Variants in RRM2 observed in about 807,000 individuals in gnomAD.
RRM2 encodes ribonucleotide reductase regulatory subunit M2.
A neutral mutation model predicts 45.9 loss-of-function variants in RRM2; 6 were observed. That is an observed-to-expected ratio of 0.13 (90% CI 0.07 to 0.26). The LOEUF is 0.26. RRM2 is among the 10% of genes least tolerant of loss of function. The pLI is 1.00. For synonymous variants in RRM2, 177 were observed against 173.0 expected, an observed-to-expected ratio of 1.02 and a Z score of -0.18; for missense variants, 343 against 489.5, an observed-to-expected ratio of 0.70 and a Z score of 2.82.
rs1204171706 is a variant in RRM2 at position 10,129,290 on chromosome 2, G to A, written c.1074G>A (p.Lys358=). The change falls in exon 10 of 10, where the codon AAG becomes AAA. Residue 358 remains lysine (K), a synonymous_variant. Transcript: ENST00000304567. The surrounding 1 kb of genome is among the most constrained non-coding windows in gnomAD (Gnocchi z 4.8). ...DFMENISLEG[K]TNFFEKRVGE... The stretch of plus-strand genomic sequence containing the variant: ...TGGAGAATATTTCACTGGAAGGAAA[G>A]ACTAACTTCTTTGAGAAGAGAGTAG... The A allele has an allele frequency of 6.2e-7, 1 of 1,614,134 alleles. No homozygotes were observed. Among genetic ancestry groups the A allele is most frequent in the Non-Finnish European group, 8.5e-7 (1 of 1,179,990 alleles).
In RRM2 at chr2:10,200,675, G is replaced by C. The variant is rs560321044; in HGVS notation, n.483-9636G>C. Reference sequence around the variant, plus strand: ...GCACACAAAATATGAGGCCCACAGGGACTGCGCGCACAAATTATGAGTCCC... The same window carrying C: ...GCACACAAAATATGAGGCCCACAGGCACTGCGCGCACAAATTATGAGTCCC... On this transcript the variant is annotated intron_variant and non_coding_transcript_variant, in intron 3 of 3. Coordinates refer to the RRM2 transcript ENST00000381786. 9.3e-5 allele frequency among the ~76,000 whole-genome samples: 12 copies of C among 129,626 alleles called. 2 individuals carry two copies. The highest frequency in any genetic ancestry group is 2.4e-4 in the African/African-American group (8 of 33,548). 85.0% of individuals were successfully genotyped at this position (129,626 alleles called of 152,430 possible).
chr2:10,123,570 G>C (rs1369048574), intron 3 of RRM2, 40 bp downstream of exon 3: 1 of 1,580,650 alleles, frequency 6.3e-7, no homozygotes, highest in African/African-American at 1.4e-5. Context: ...AGGGGTGACC[G>C]TCACGCCTCA....
In RRM2 at chr2:10,169,147, A is replaced by ATTTT. The variant is rs35438376; in HGVS notation, n.482+26784_482+26787dup. 3.6e-5 allele frequency among the ~76,000 whole-genome samples: 5 copies of ATTTT among 137,562 alleles called. No homozygotes were observed. The highest frequency in any genetic ancestry group is 8.1e-5 in the African/African-American group (3 of 37,178). The allele number at this position is 137,562 out of a possible 152,430, so 90.2% of individuals were successfully genotyped here. On this transcript the variant is annotated intron_variant and non_coding_transcript_variant, in intron 3 of 3. Transcript: ENST00000381786. The surrounding 1 kb of genome is among the most constrained non-coding windows in gnomAD (Gnocchi z 5.1). ...GTCACCATGCCCAGCTACTTTTTGT[A>ATTTT]TTTTTTTTTTTTTTTGTAGAGATGG... is the stretch of plus-strand genomic sequence containing the variant.
chr2:10,135,673 A>T (rs955258934), downstream of RRM2, among the ~76,000 whole-genome samples: 3 of 152,216 alleles, frequency 2.0e-5, no homozygotes, highest in African/African-American at 7.2e-5. Flanking sequence ...TAAGGCTCAA[A>T]TTCTAGCTAT....
At chr2:10,182,336 A>C (rs1310002943) in intron 3 of RRM2, among the ~76,000 whole-genome samples, 1 of 151,516 alleles carries the variant, frequency 6.6e-6, no homozygotes, top group Non-Finnish European at 1.5e-5. Flanking sequence ...ACAGAGGAAG[A>C]CTCTGTCTCA....
At position 10,205,078 on chromosome 2, in the gene RRM2, C is replaced by T. The variant is rs115560689; in HGVS notation, n.483-5233C>T. ...AACTTTTGTTTTCAGTGCCCAGCTC[C>T]CTAAGCCTTCTTTGTCCTTACCGTC... On this transcript the variant is annotated intron_variant and non_coding_transcript_variant, in intron 3 of 3. Transcript: ENST00000381786. This position sits in a 1 kb window ranked among gnomAD's most constrained non-coding sequence, Gnocchi z 4.8. 7.0e-3 allele frequency among the ~76,000 whole-genome samples: 1,062 copies of T among 152,378 alleles called. 10 individuals carry two copies. The highest frequency in any genetic ancestry group is 0.024 in the African/African-American group (1,003 of 41,586).
chr2:10,133,366 T>C (rs1662936187), downstream of RRM2, among the ~76,000 whole-genome samples: 1 of 152,264 alleles, frequency 6.6e-6, no homozygotes, highest in Non-Finnish European at 1.5e-5. Flanking sequence ...CTTCACCTGG[T>C]ACTGCTGTGG....
chr2:10,124,573 A>T (rs1462964635), intron 4 of RRM2, 144 bp from the exon 5 acceptor site: 7 of 879,352 alleles, frequency 8.0e-6, no homozygotes, highest in Non-Finnish European at 1.2e-5. Flanking sequence ...GACATAAAAT[A>T]TCAAAGAATT....
At chr2:10,139,613 G>A (rs1455979689), upstream of RRM2, among the ~76,000 whole-genome samples, 1 of 152,162 alleles carries the variant, frequency 6.6e-6, no homozygotes, top group Non-Finnish European at 1.5e-5. Context: ...ATCTCTCTTG[G>A]TGACCCTTCC....
intron 3 of RRM2, among the ~76,000 whole-genome samples, chr2:10,196,194 G>A (rs970469851): frequency 6.6e-6 from 1 of 152,232 alleles, no homozygotes; most frequent in African/African-American, 2.4e-5. Context: ...CCTAAGCAGT[G>A]AGGAGCTTCA....
Position 10,199,672 on chromosome 2 carries a change from C to G in RRM2, n.483-10639C>G, listed in dbSNP as rs186704055. On this transcript the variant is annotated intron_variant and non_coding_transcript_variant, in intron 3 of 3. Transcript: ENST00000381786. ...GCGGGCGCCTGAAGTCCCAGCTACTCGGGAGGCTGAGGCGGGAGAATGGCG... is the reference window on the plus strand; with the variant it reads ...GCGGGCGCCTGAAGTCCCAGCTACTGGGGAGGCTGAGGCGGGAGAATGGCG... Among the ~76,000 whole-genome samples, 385 of 150,954 alleles carry G rather than the reference C, an allele frequency of 2.6e-3. 8 individuals carry two copies. Among genetic ancestry groups the G allele is most frequent in the Admixed American group, 0.023 (353 of 15,140 alleles).
rs1176156172 is a variant in RRM2, at chr2:10,185,707, C to T, written n.483-24604C>T. Among the ~76,000 whole-genome samples, 1 of 152,138 alleles carries T rather than the reference C, an allele frequency of 6.6e-6. No individual in the cohort carries two copies. Among genetic ancestry groups the T allele is most frequent in the African/African-American group, 2.4e-5 (1 of 41,426 alleles). On this transcript the variant is annotated intron_variant and non_coding_transcript_variant, in intron 3 of 3. Coordinates refer to the RRM2 transcript ENST00000381786. The surrounding 1 kb of genome is among the most constrained non-coding windows in gnomAD (Gnocchi z 4.3). The stretch of plus-strand genomic sequence containing the variant: ...ATATTTTTTGTGCCCCTGTGTCTCC[C>T]CTTCCTTGCCTTTCAAACTCCTCTC...
downstream of RRM2, among the ~76,000 whole-genome samples, chr2:10,132,280 C>T (rs961536291): frequency 6.6e-6 from 1 of 152,160 alleles, no homozygotes; most frequent in Non-Finnish European, 1.5e-5. Context: ...AGGGGAGGCC[C>T]CTCCCTCTGG....
chr2:10,209,397 TC>T, intron 3 of RRM2, among the ~76,000 whole-genome samples: 1 of 152,174 alleles, frequency 6.6e-6, no homozygotes, highest in East Asian at 1.9e-4. Context: ...GGGGTGCTGC[TC>T]CCCTGCCCCA....
intron 7 of RRM2, among the ~76,000 whole-genome samples, chr2:10,128,592 A>G (rs1039538283): frequency 4.6e-5 from 7 of 152,242 alleles, no homozygotes; most frequent in Non-Finnish European, 8.8e-5. Context: ...AACACACAGC[A>G]GAGCAAGAAA....
chr2:10,142,792 C>T (rs565465877), intron 3 of RRM2, among the ~76,000 whole-genome samples: 5 of 152,364 alleles, frequency 3.3e-5, no homozygotes, highest in Middle Eastern at 6.8e-3. Context: ...CCGCAGCTCT[C>T]GGCCCTGCCT....
rs1266937493 is a variant in RRM2 at position 10,123,009 on chromosome 2, C to T, written c.126C>T (p.Val42=). The change falls in exon 2 of 10, where the codon GTC becomes GTT. Residue 42 remains valine, a synonymous_variant. Transcript: ENST00000304567. ...CGCCGGCCCTGAGCGGGACCCGCGT[C>T]CTGGCCAGCAAGACCGCGAGGAGGA... ...NTPPALSGTR[V]LASKTARRIF... The T allele has an allele frequency of 6.4e-7, 1 of 1,564,332 alleles. No individual in the cohort carries two copies. The highest frequency in any genetic ancestry group is 8.6e-7 in the Non-Finnish European group (1 of 1,161,778).
chr2:10,123,260 A>G (rs1159004019), intron 2 of RRM2, 127 bp from the exon 3 acceptor site: 2 of 1,330,548 alleles, frequency 1.5e-6, no homozygotes, highest in African/African-American at 2.9e-5. Flanking sequence ...ACGGAGTGCG[A>G]CGGGACAGCC....
chr2:10,122,656 G>A (rs1187007658), upstream of RRM2: 12 of 1,548,334 alleles, frequency 7.8e-6, 1 homozygote, highest in South Asian at 1.2e-4. Context: ...CCAATGGGAA[G>A]GGCCGGGGCA....
Sources: allele counts gnomAD v4.1 joint callset (sites outside exome capture counted in the v4.1 genomes callset), GRCh38; gene constraint gnomAD v4.1.1; non-coding constraint Gnocchi (gnomAD v3.1); transcripts MANE v1.5; gene names NCBI Gene and HGNC (gene_info 2026-07-23, HGNC 2026-07-21).